The following PCDHGA3 variants were observed in gnomAD, a reference collection of about 807,000 sequenced individuals.
The protein encoded by PCDHGA3 is protocadherin gamma-A3.
In PCDHGA3, 40 loss-of-function variants were observed where a neutral mutation model predicts 58.5. The observed-to-expected ratio is 0.68, with a 90% CI of 0.53 to 0.89. The LOEUF is 0.89. Ranked by LOEUF, PCDHGA3 falls within the 40% of genes least tolerant of loss-of-function variation. The probability of loss-of-function intolerance (pLI) is 0.00; values close to 1 mark genes in which losing one functional copy is unlikely to be tolerated. For missense variants in PCDHGA3, 1,223 were observed against 1,195.9 expected (o/e 1.02, Z -0.33); for synonymous variants, 530 against 525.7 (o/e 1.01, Z -0.11).
At chr5:141,467,055 CTT>C (rs1193465269) in intron 1 of PCDHGA3, among the ~76,000 whole-genome samples, 47 of 134,388 alleles carry the variant, frequency 3.5e-4, no homozygotes, top group Admixed American at 6.0e-4. Context: ...TCAATGTTTT[CTT>C]TTTTTTTTTT....
Position 141,388,164 on chromosome 5 carries a change from G to A in PCDHGA3, c.2424+41707G>A, listed in dbSNP as rs372819071. 487 of 1,478,548 alleles carry A rather than the reference G, an allele frequency of 3.3e-4. No homozygotes were observed. The highest frequency in any genetic ancestry group is 4.3e-4 in the Non-Finnish European group (458 of 1,069,378). 91.6% of individuals were successfully genotyped at this position (1,478,548 alleles called of 1,614,324 possible). A position where few individuals can be genotyped will look rare whatever the true frequency, so the allele number is the denominator to read the frequency against. On this transcript the variant is annotated intron_variant, in intron 1 of 3. Coordinates refer to ENST00000253812, the MANE Select transcript of PCDHGA3 (RefSeq NM_018916.4). ...TGTGAGCAGCAGGCTAGACAGGGAG[G>A]AGATATGCGGGAAGAAGCCAGCTTG...
rs372235829 is a variant in PCDHGA3, at chr5:141,381,798, C to CTCTTTCTTTCTT, written c.2424+35354_2424+35365dup. On this transcript the variant is annotated intron_variant, in intron 1 of 3. Transcript: ENST00000253812. ...ATCAGGAACAAGGCAAGGCAATTCC[C>CTCTTTCTTTCTT]TCTTTCTTTCTTTCTTTCTTTCTTC... 5.9e-4 allele frequency among the ~76,000 whole-genome samples: 85 copies of CTCTTTCTTTCTT among 144,150 alleles called. 1 individual carries two copies. Among genetic ancestry groups the CTCTTTCTTTCTT allele is most frequent in the African/African-American group, 2.2e-3 (83 of 37,512 alleles). 94.6% of individuals were successfully genotyped at this position (144,150 alleles called of 152,430 possible).
In PCDHGA3 at chr5:141,371,669, C is replaced by T. The variant is rs766031996; in HGVS notation, c.2424+25212C>T. On this transcript the variant is annotated intron_variant, in intron 1 of 3. Coordinates refer to ENST00000253812, the MANE Select transcript of PCDHGA3 (RefSeq NM_018916.4). ...AATACAATGTGACGATCACAGCTAC[C>T]GACAAAGGCAATCCACCGCTCTCCT... 3 of 1,613,874 alleles carry T rather than the reference C, an allele frequency of 1.9e-6. No individual in the cohort carries two copies. The Admixed American group carries it at 5.0e-5, about 27-fold the overall frequency.
At chr5:141,409,135 T>G (rs748247175) in intron 1 of PCDHGA3, 1 of 1,614,026 alleles carries the variant, frequency 6.2e-7, no homozygotes, top group Non-Finnish European at 8.5e-7. Context: ...ATTTTGAAGA[T>G]GTAGAAAGGT....
chr5:141,355,835 T>A (rs971104967), intron 1 of PCDHGA3: 1 of 1,612,476 alleles, frequency 6.2e-7, no homozygotes, highest in Non-Finnish European at 8.5e-7. Context: ...CACCTCGTTC[T>A]CACGGCCTTC....
chr5:141,352,154 G>A (rs770780067), intron 1 of PCDHGA3: 4 of 1,612,750 alleles, frequency 2.5e-6, no homozygotes, highest in Non-Finnish European at 3.4e-6. Flanking sequence ...GGGCGACAGG[G>A]ACGCGGCCCG....
intron 1 of PCDHGA3, chr5:141,421,360 T>G (rs549572548): frequency 6.2e-7 from 1 of 1,613,980 alleles, no homozygotes; most frequent in African/African-American, 1.3e-5. Context: ...AAAGGGCTCC[T>G]TCGTGGGCAA....
rs528604971 is a variant in PCDHGA3, at chr5:141,346,171, C to A, written c.2138C>A (p.Ala713Glu). 28 of 1,614,056 alleles carry A rather than the reference C, an allele frequency of 1.7e-5. No individual in the cohort carries two copies. The highest frequency in any genetic ancestry group is 2.3e-5 in the Non-Finnish European group (27 of 1,179,950). The change falls in exon 1 of 4, where the codon GCG becomes GAG. Residue 713 changes from alanine (A) to glutamate (E), a missense_variant. Physicochemically the swap from Ala to Glu is moderately radical, Grantham distance 107. This residue lies in a region of PCDHGA3 where 325 missense variants were observed against 327.5 expected (regional missense o/e 0.99). Transcript: ENST00000253812. Reference sequence around the variant, plus strand: ...CTGGCCTTCGTCATCGTGCTGCTGGCGCTCAGGCTGCGGCGCTGGCACAAG... The same window carrying A: ...CTGGCCTTCGTCATCGTGCTGCTGGAGCTCAGGCTGCGGCGCTGGCACAAG... ...VFLAFVIVLL[A>E]LRLRRWHKSR...
At chr5:141,388,465 T>C in intron 1 of PCDHGA3, 2 of 1,613,816 alleles carry the variant, frequency 1.2e-6, no homozygotes, top group Non-Finnish European at 1.7e-6. Flanking sequence ...TACCCTGAGA[T>C]GGTATTGAAG....
intron 1 of PCDHGA3, chr5:141,398,625 T>C (rs777533974): frequency 6.2e-7 from 1 of 1,614,046 alleles, no homozygotes; most frequent in South Asian, 1.1e-5. Context: ...GCTTAAACTC[T>C]CTGCAGAAGT....
intron 1 of PCDHGA3, chr5:141,372,164 G>C: frequency 6.2e-7 from 1 of 1,613,780 alleles, no homozygotes; most frequent in Non-Finnish European, 8.5e-7. Context: ...TGGTGACCAA[G>C]GTGGTGGCGG....
At chr5:141,409,796 C>T (rs750405889) in intron 1 of PCDHGA3, 1 of 1,611,944 alleles carries the variant, frequency 6.2e-7, no homozygotes, top group Non-Finnish European at 8.5e-7. Context: ...CGCGCTCACG[C>T]TGCAGGCCCG....
At chr5:141,399,062 C>T in intron 1 of PCDHGA3, 1 of 1,613,790 alleles carries the variant, frequency 6.2e-7, no homozygotes, top group Non-Finnish European at 8.5e-7. Context: ...AAGGAATATT[C>T]AATGGTTGTA....
At chr5:141,370,364 G>A (rs769081116) in intron 1 of PCDHGA3, 5 of 1,521,178 alleles carry the variant, frequency 3.3e-6, no homozygotes, top group Non-Finnish European at 3.5e-6. Context: ...CCTCTCCTCG[G>A]ATTTAGAAAG....
At chr5:141,478,322 C>G (rs1360535508) in intron 1 of PCDHGA3, 28 of 1,613,976 alleles carry the variant, frequency 1.7e-5, no homozygotes, top group Non-Finnish European at 2.3e-5. Context: ...CTCACTGTAC[C>G]GAACACCAGG....
chr5:141,398,663 C>T (rs2150753348), intron 1 of PCDHGA3: 2 of 1,614,016 alleles, frequency 1.2e-6, no homozygotes, highest in Non-Finnish European at 1.7e-6. Context: ...CCAAGTTTCT[C>T]ATTAATAATT....
intron 1 of PCDHGA3, among the ~76,000 whole-genome samples, chr5:141,437,236 C>A (rs2154557405): frequency 6.6e-6 from 1 of 152,278 alleles, no homozygotes; most frequent in South Asian, 2.1e-4. Context: ...AAAATTATGT[C>A]AAGGACTTTC....
At chr5:141,434,521 T>G (rs2097700467) in intron 1 of PCDHGA3, among the ~76,000 whole-genome samples, 1 of 152,202 alleles carries the variant, frequency 6.6e-6, no homozygotes, top group Non-Finnish European at 1.5e-5. Flanking sequence ...AAAGGTGTTC[T>G]TAAACCACAA....
chr5:141,393,086 T>C (rs533530561), intron 1 of PCDHGA3: 1 of 1,613,614 alleles, frequency 6.2e-7, no homozygotes, highest in Non-Finnish European at 8.5e-7. Flanking sequence ...GCAGGATAGA[T>C]CGGGAGGAGC....
Sources: gnomAD v4.1 joint callset for allele counts (sites outside exome capture counted in the v4.1 genomes callset) on GRCh38, gnomAD v4.1.1 for gene constraint, gnomAD v4.1.1 regional missense constraint, MANE v1.5 for transcripts, NCBI Gene and HGNC (gene_info 2026-07-23, HGNC 2026-07-21) for gene names.